Variants in TTC21B observed in about 807,000 individuals in gnomAD.
TTC21B encodes tetratricopeptide repeat domain 21B.
TTC21B carries 127 observed loss-of-function variants against 175.1 expected under a neutral mutation model. That is an observed-to-expected ratio of 0.73 (90% CI 0.63 to 0.84). TTC21B has a LOEUF of 0.84. TTC21B is among the 40% of genes least tolerant of loss of function. TTC21B has a pLI of 0.00. For synonymous variants in TTC21B, 524 were observed against 524.5 expected, an observed-to-expected ratio of 1.00 and a Z score of 0.01; for missense variants, 1,561 against 1,558.3, an observed-to-expected ratio of 1.00 and a Z score of -0.03.
intron 20 of TTC21B, among the ~76,000 whole-genome samples, chr2:165,901,051 G>A (rs1481757375): frequency 2.0e-5 from 3 of 151,644 alleles, no homozygotes; most frequent in Non-Finnish European, 4.4e-5. Flanking sequence ...ACAGGTATAT[G>A]CCACCATGCC....
At chr2:165,906,171 TGAGA>T (rs1417435298) in intron 19 of TTC21B, among the ~76,000 whole-genome samples, 1 of 149,010 alleles carries the variant, frequency 6.7e-6, no homozygotes, top group Non-Finnish European at 1.5e-5. Context: ...AAACCAGTGT[TGAGA>T]GAGAAATTTA....
At chr2:165,921,932 C>G (rs1249337103) in intron 12 of TTC21B, among the ~76,000 whole-genome samples, 2 of 151,752 alleles carry the variant, frequency 1.3e-5, no homozygotes, top group African/African-American at 4.8e-5. Context: ...ATCACCCAAG[C>G]ACTGTACCCA....
At chr2:165,918,853 A>G in intron 13 of TTC21B, among the ~76,000 whole-genome samples, 1 of 152,218 alleles carries the variant, frequency 6.6e-6, no homozygotes, top group East Asian at 1.9e-4. Context: ...GTTCTTTCAC[A>G]ATGAATCTAA....
At chr2:165,884,882 A>G (rs900796466) in intron 25 of TTC21B, among the ~76,000 whole-genome samples, 1 of 152,220 alleles carries the variant, frequency 6.6e-6, no homozygotes, top group Admixed American at 6.5e-5. Flanking sequence ...AAGAAGCCTC[A>G]GCTTAACATA....
intron 4 of TTC21B, among the ~76,000 whole-genome samples, chr2:165,944,540 T>G (rs964510177): frequency 1.3e-5 from 2 of 152,178 alleles, no homozygotes; most frequent in Non-Finnish European, 2.9e-5. Flanking sequence ...TCACTGCATT[T>G]CAGTTTATTC....
intron 25 of TTC21B, among the ~76,000 whole-genome samples, chr2:165,887,592 CAGG>C (rs776546214): frequency 5.3e-5 from 8 of 151,850 alleles, no homozygotes; most frequent in African/African-American, 1.9e-4. Flanking sequence ...GAGGCTGAGG[CAGG>C]AGAATTGCCC....
intron 18 of TTC21B, among the ~76,000 whole-genome samples, chr2:165,908,369 T>C (rs1173844170): frequency 1.3e-5 from 2 of 152,186 alleles, no homozygotes; most frequent in Non-Finnish European, 2.9e-5. Flanking sequence ...AAGATTTTAA[T>C]AGCTAATAAG....
At chr2:165,895,635 C>T (rs551080251) in intron 22 of TTC21B, among the ~76,000 whole-genome samples, 19 of 151,938 alleles carry the variant, frequency 1.3e-4, no homozygotes, top group African/African-American at 4.6e-4. Context: ...CAGTGTGGAA[C>T]ACAAGGTAGA....
chr2:165,933,189 T>C (rs1559068876), intron 6 of TTC21B, 132 bp from the exon 7 acceptor site: 2 of 665,064 alleles, frequency 3.0e-6, no homozygotes, highest in Non-Finnish European at 2.6e-6. Flanking sequence ...TAAAATGTCA[T>C]CTGCTTTGTG....
At chr2:165,943,906 T>C (rs1297272744) in intron 4 of TTC21B, among the ~76,000 whole-genome samples, 1 of 152,096 alleles carries the variant, frequency 6.6e-6, no homozygotes, top group African/African-American at 2.4e-5. Context: ...AGTGGGCCGA[T>C]GGGTTGTAAG....
Position 165,941,026 on chromosome 2 carries a change from C to A in TTC21B, c.710+1G>T, listed in dbSNP as rs1559073644. 6.2e-7 allele frequency: 1 copy of A among 1,613,616 alleles called. No individual in the cohort carries two copies. Among genetic ancestry groups the A allele is most frequent in the Non-Finnish European group, 8.5e-7 (1 of 1,179,652 alleles). ...ACTTGTGTCATCTTTTATTACTTAA[C>A]CTTTGTGCTGTCTCAACTGTCTGGT... On this transcript the variant is annotated splice_donor_variant, in intron 6 of 28. Transcript: ENST00000243344. LOFTEE classifies it high-confidence loss of function.
intron 18 of TTC21B, among the ~76,000 whole-genome samples, chr2:165,908,956 A>G (rs1371486234): frequency 1.3e-5 from 2 of 152,154 alleles, no homozygotes; most frequent in African/African-American, 4.8e-5. Flanking sequence ...TTTAAGCACC[A>G]ATGTCATTAA....
At position 165,913,613 on chromosome 2, in the gene TTC21B, A is replaced by G. The variant is rs774020024; in HGVS notation, c.2172T>C (p.Ser724=). The G allele has an allele frequency of 2.7e-5, 43 of 1,613,030 alleles. No homozygotes were observed. The highest frequency in any genetic ancestry group is 3.6e-5 in the Non-Finnish European group (43 of 1,179,306). Residue 724 remains serine (S), a synonymous_variant, in exon 16 of 29, where the codon TCT becomes TCC. Transcript: ENST00000243344. ...TGTATGCATCACCAAGGAGAAGAAAAGACCGAGGGTTAGCCATTCTTTCAG... is the reference window on the plus strand; with the variant it reads ...TGTATGCATCACCAAGGAGAAGAAAGGACCGAGGGTTAGCCATTCTTTCAG... The part of the protein sequence containing the change: ...EIAERMANPR[S]FLLLGDAYMN...
Position 165,915,246 on chromosome 2 carries a change from T to G in TTC21B, c.2093A>C (p.Tyr698Ser). The G allele has an allele frequency of 1.9e-6, 3 of 1,614,124 alleles. No individual in the cohort carries two copies. The highest frequency in any genetic ancestry group is 2.5e-6 in the Non-Finnish European group (3 of 1,179,966). ...CATTTTATCTTTTCTGTGCTTCAGA[T>G]AAATATCTGCCATTTTTTCTCTGGC... is the stretch of plus-strand genomic sequence containing the variant. ...IEAREKMADI[Y>S]LKHRKDKMLY... The change falls in exon 15 of 29, where the codon TAT becomes TCT. Residue 698 changes from tyrosine (Y) to serine (S), a missense_variant. Physicochemically the swap from Tyr to Ser is moderately radical, Grantham distance 144. Transcript: ENST00000243344.
Position 165,919,347 on chromosome 2 carries a change from C to T in TTC21B, c.1603G>A (p.Val535Ile), listed in dbSNP as rs772467041. The change falls in exon 13 of 29, where the codon GTT (valine) becomes ATT (isoleucine). Residue 535 changes from valine (V) to isoleucine (I), a missense_variant. Physicochemically the swap from Val to Ile is conservative, Grantham distance 29. Coordinates refer to ENST00000243344, the MANE Select transcript of TTC21B (RefSeq NM_024753.5). ...TTGACTTTTTCTTGAGACAAGTAAA[C>T]CTGAGCTAGCAGCAGATGAGCATCA... The part of the protein sequence containing the change: ...YADAHLLLAQ[V>I]YLSQEKVKLC... 24 of 1,614,018 alleles carry T rather than the reference C, an allele frequency of 1.5e-5. No individual in the cohort carries two copies. Among genetic ancestry groups the T allele is most frequent in the Non-Finnish European group, 1.9e-5 (22 of 1,179,960 alleles).
intron 20 of TTC21B, 111 bp downstream of exon 20, chr2:165,901,611 C>G (rs1039973485): frequency 1.7e-4 from 186 of 1,085,172 alleles, no homozygotes; most frequent in Admixed American, 1.2e-3. Flanking sequence ...GCATCAGCCA[C>G]TGCACCCTGC....
chr2:165,906,209 A>C (rs1258685504), intron 19 of TTC21B, among the ~76,000 whole-genome samples: 1 of 151,294 alleles, frequency 6.6e-6, no homozygotes, highest in Non-Finnish European at 1.5e-5. Context: ...ATAGGAAAAT[A>C]ACAAAAGCTC....
At chr2:165,899,207 G>A (rs1006582442) in intron 21 of TTC21B, among the ~76,000 whole-genome samples, 1 of 152,070 alleles carries the variant, frequency 6.6e-6, no homozygotes, top group Non-Finnish European at 1.5e-5. Flanking sequence ...TTCTTATTAT[G>A]TGTTTAAAAA....
At chr2:165,938,130 T>A (rs1687228422) in intron 6 of TTC21B, among the ~76,000 whole-genome samples, 2 of 151,420 alleles carry the variant, frequency 1.3e-5, no homozygotes, top group South Asian at 4.2e-4. Context: ...CTCATCTAAA[T>A]CCATGGTATG....
Sources: gnomAD v4.1 joint callset for allele counts (sites outside exome capture counted in the v4.1 genomes callset) on GRCh38, gnomAD v4.1.1 for gene constraint, MANE v1.5 for transcripts, NCBI Gene and HGNC (gene_info 2026-07-23, HGNC 2026-07-21) for gene names.